TECRL: variants seen among roughly 807,000 people sequenced by gnomAD.
TECRL encodes the protein trans-2,3-enoyl-CoA reductase-like.
Under a neutral mutation model 52.8 loss-of-function variants are expected in TECRL, and 63 were observed. That is an observed-to-expected ratio of 1.19 (90% CI 0.97 to 1.47). The LOEUF (loss-of-function observed/expected upper bound fraction) is 1.47, where lower values mean the gene tolerates loss of function less well. Ranked by LOEUF, TECRL falls within the 40% of genes most tolerant of loss-of-function variation. The pLI, the probability that TECRL is intolerant of heterozygous loss-of-function variation, is 0.00. For synonymous variants in TECRL, 164 were observed against 141.9 expected (o/e 1.16, Z -1.10); for missense variants, 482 against 429.6 (o/e 1.12, Z -1.08).
At chr4:64,374,064 T>TAGTAG (rs1235860176) in intron 2 of TECRL, among the ~76,000 whole-genome samples, 2 of 135,948 alleles carry the variant, frequency 1.5e-5, no homozygotes, top group African/African-American at 5.5e-5. Context: ...TATATATATA[T>TAGTAG]ATATATATAT....
At chr4:64,307,347 G>A (rs1375180508) in intron 6 of TECRL, among the ~76,000 whole-genome samples, 1 of 152,160 alleles carries the variant, frequency 6.6e-6, no homozygotes, top group East Asian at 1.9e-4. Context: ...CAACACTGGA[G>A]AGCTGGGGTG....
At chr4:64,364,149 C>A (rs1577939426) in intron 2 of TECRL, among the ~76,000 whole-genome samples, 1 of 151,996 alleles carries the variant, frequency 6.6e-6, no homozygotes, top group African/African-American at 2.4e-5. Context: ...ACAATCTGCT[C>A]CTGAATAACT....
intron 5 of TECRL, 40 bp downstream of exon 5, chr4:64,314,608 T>G (rs907689144): frequency 1.0e-6 from 1 of 965,618 alleles, no homozygotes; most frequent in Non-Finnish European, 1.7e-6. Flanking sequence ...TGTGTGTGTG[T>G]GTGTGTGTGT....
intron 4 of TECRL, among the ~76,000 whole-genome samples, chr4:64,315,956 C>T (rs1032560031): frequency 6.6e-6 from 1 of 151,610 alleles, no homozygotes; most frequent in African/African-American, 2.4e-5. Flanking sequence ...AAAAAGCAAT[C>T]TCATTTGAGA....
intron 1 of TECRL, among the ~76,000 whole-genome samples, chr4:64,405,972 G>A (rs895692893): frequency 3.3e-5 from 5 of 152,062 alleles, no homozygotes; most frequent in Non-Finnish European, 7.4e-5. Flanking sequence ...GGTGACCTCA[G>A]TAAGTTCAGA....
At chr4:64,305,877 C>A (rs1258700731) in intron 6 of TECRL, among the ~76,000 whole-genome samples, 2 of 152,162 alleles carry the variant, frequency 1.3e-5, no homozygotes, top group Non-Finnish European at 2.9e-5. Context: ...AGGACTCAGA[C>A]CCATTTCTTA....
intron 2 of TECRL, among the ~76,000 whole-genome samples, chr4:64,341,291 A>G (rs1247598891): frequency 6.6e-6 from 1 of 152,118 alleles, no homozygotes; most frequent in Non-Finnish European, 1.5e-5. Flanking sequence ...AGCAAGGCTA[A>G]AAGAGCTATA....
At chr4:64,383,089 A>G (rs573015490) in intron 1 of TECRL, among the ~76,000 whole-genome samples, 1 of 152,096 alleles carries the variant, frequency 6.6e-6, no homozygotes, top group Non-Finnish European at 1.5e-5. Context: ...CTTTTAATAC[A>G]TTATCCTATT....
At chr4:64,285,269 AC>A (rs1723024206) in intron 9 of TECRL, among the ~76,000 whole-genome samples, 1 of 152,030 alleles carries the variant, frequency 6.6e-6, no homozygotes, top group Non-Finnish European at 1.5e-5. Flanking sequence ...AACTCTTGAC[AC>A]CTCTACAGGG....
intron 1 of TECRL, among the ~76,000 whole-genome samples, chr4:64,396,352 G>A (rs936893288): frequency 7.9e-5 from 12 of 152,002 alleles, no homozygotes; most frequent in African/African-American, 4.8e-5. Flanking sequence ...GACTTTAATA[G>A]TAACCATTCT....
intron 2 of TECRL, among the ~76,000 whole-genome samples, chr4:64,352,283 T>C (rs2109577700): frequency 6.6e-6 from 1 of 152,250 alleles, no homozygotes; most frequent in South Asian, 2.1e-4. Context: ...CAATTTCTCT[T>C]GAAGAAACTA....
intron 1 of TECRL, among the ~76,000 whole-genome samples, chr4:64,400,900 A>C (rs1000398142): frequency 2.6e-5 from 4 of 152,178 alleles, no homozygotes; most frequent in African/African-American, 9.7e-5. Context: ...CCAGTCTCAG[A>C]TATTTCTTCA....
intron 1 of TECRL, among the ~76,000 whole-genome samples, chr4:64,401,192 C>A (rs1177956288): frequency 1.3e-5 from 2 of 152,136 alleles, no homozygotes; most frequent in Non-Finnish European, 2.9e-5. Flanking sequence ...AAATGATTAC[C>A]CTGTTCAAAG....
At chr4:64,358,934 C>T (rs1216827809) in intron 2 of TECRL, among the ~76,000 whole-genome samples, 1 of 151,718 alleles carries the variant, frequency 6.6e-6, no homozygotes, top group Non-Finnish European at 1.5e-5. Context: ...TTTAAATCAA[C>T]TATATTGATG....
At chr4:64,388,198 A>G (rs1018201328) in intron 1 of TECRL, among the ~76,000 whole-genome samples, 11 of 141,662 alleles carry the variant, frequency 7.8e-5, no homozygotes, top group African/African-American at 2.6e-4. Context: ...TTTGTGTGAA[A>G]TGTGTAAGAT....
At chr4:64,359,592 T>C (rs1721033053) in intron 2 of TECRL, among the ~76,000 whole-genome samples, 1 of 151,988 alleles carries the variant, frequency 6.6e-6, no homozygotes, top group Non-Finnish European at 1.5e-5. Context: ...ACATTGACAT[T>C]GCACAGCAGT....
intron 2 of TECRL, among the ~76,000 whole-genome samples, chr4:64,348,875 C>T (rs529217678): frequency 9.2e-5 from 14 of 152,182 alleles, no homozygotes; most frequent in African/African-American, 2.9e-4. Flanking sequence ...ATGTCCACTG[C>T]GCAGGTAATG....
At chr4:64,305,096 A>T in intron 7 of TECRL, 70 bp downstream of exon 7, 2 of 1,059,302 alleles carry the variant, frequency 1.9e-6, no homozygotes, top group Non-Finnish European at 2.7e-6. Flanking sequence ...TCCTTTATGT[A>T]TGTCATTTAG....
At chr4:64,409,027 C>G (rs1026642158) in intron 1 of TECRL, 91 bp downstream of exon 1, 1 of 1,133,470 alleles carries the variant, frequency 8.8e-7, no homozygotes, top group Non-Finnish European at 1.2e-6. Flanking sequence ...TCAGAACAGT[C>G]GTGTTAGAAT....
Sources: gnomAD v4.1 joint callset for allele counts (sites outside exome capture counted in the v4.1 genomes callset) on GRCh38, gnomAD v4.1.1 for gene constraint, MANE v1.5 for transcripts, NCBI Gene and HGNC (gene_info 2026-07-23, HGNC 2026-07-21) for gene names.